VMP1: variants seen among roughly 807,000 people sequenced by gnomAD.
VMP1 encodes the protein vacuole membrane protein 1.
In VMP1, 11 loss-of-function variants were observed where a neutral mutation model predicts 56.0. That is an observed-to-expected ratio of 0.20 (90% CI 0.12 to 0.32). VMP1 has a LOEUF of 0.32. VMP1 is among the 10% of genes least tolerant of loss of function. The pLI is 1.00. For synonymous variants in VMP1, 149 were observed against 165.0 expected (o/e 0.90, Z 0.74); for missense variants, 296 against 490.3 (o/e 0.60, Z 3.74).
rs1356443615 is a variant in VMP1, at chr17:59,840,065, C to T, written c.*154C>T. ...CAGTTTAGTCCATACTTTGCACTGA[C>T]ATACTTTTTCCTTCTGTGCTAAGGT... On this transcript the variant is annotated 3_prime_UTR_variant, in exon 12 of 12. Transcript: ENST00000262291. The T allele has an allele frequency of 3.3e-6, 3 of 915,664 alleles. No homozygotes were observed. The highest frequency in any genetic ancestry group is 4.8e-6 in the Non-Finnish European group (3 of 623,000). The allele number at this position is 915,664 out of a possible 1,614,324, so 56.7% of individuals were successfully genotyped here. A position where few individuals can be genotyped will look rare whatever the true frequency, so the allele number is the denominator to read the frequency against.
At chr17:59,773,390 T>C (rs561546268) in intron 6 of VMP1, among the ~76,000 whole-genome samples, 4 of 148,184 alleles carry the variant, frequency 2.7e-5, no homozygotes, top group Admixed American at 2.7e-4. Flanking sequence ...ATGAGCCAGG[T>C]GTTGTCTCAA....
intron 5 of VMP1, among the ~76,000 whole-genome samples, chr17:59,745,416 T>C (rs2035388082): frequency 6.6e-6 from 1 of 152,190 alleles, no homozygotes; most frequent in South Asian, 2.1e-4. Context: ...CTTTGGCAAT[T>C]ATAGAAAAGA....
rs1428769608 is a variant in VMP1 at position 59,737,533 on chromosome 17, T to C, written c.293T>C (p.Val98Ala). ...VLIATYYVEG[V>A]HQQYVQRIEK... ...ATAGCTACGTATTATGTTGAAGGAGTGCATCAACAGGTGAGAGGTCGAGCA... is the reference window on the plus strand; with the variant it reads ...ATAGCTACGTATTATGTTGAAGGAGCGCATCAACAGGTGAGAGGTCGAGCA... The change falls in exon 4 of 12, where the codon GTG becomes GCG. Residue 98 changes from valine (V) to alanine (A), a missense_variant. Physicochemically the swap from Val to Ala is moderately conservative, Grantham distance 64. This residue lies in a region of VMP1 where 126 missense variants were observed against 231.6 expected (regional missense o/e 0.54). Coordinates refer to ENST00000262291, the MANE Select transcript of VMP1 (RefSeq NM_030938.5). 2 of 1,608,570 alleles carry C rather than the reference T, an allele frequency of 1.2e-6. No individual in the cohort carries two copies. Among genetic ancestry groups the C allele is most frequent in the Admixed American group, 1.7e-5 (1 of 59,264 alleles).
chr17:59,758,573 C>T (rs952048942), intron 5 of VMP1, among the ~76,000 whole-genome samples: 27 of 151,906 alleles, frequency 1.8e-4, no homozygotes, highest in Admixed American at 5.2e-4. Context: ...ACCAGTAATC[C>T]CAGCACTTTG....
chr17:59,716,703 A>G (rs971047696), intron 1 of VMP1, among the ~76,000 whole-genome samples: 3 of 152,190 alleles, frequency 2.0e-5, no homozygotes, highest in Admixed American at 6.5e-5. Context: ...ATGTTTGTTA[A>G]CCTATTTTTA....
intron 10 of VMP1, among the ~76,000 whole-genome samples, chr17:59,820,697 T>C (rs1243308468): frequency 1.3e-5 from 2 of 152,224 alleles, no homozygotes; most frequent in Non-Finnish European, 2.9e-5. Flanking sequence ...TGTAAGCTTC[T>C]CAAAGGCAAA....
intron 8 of VMP1, among the ~76,000 whole-genome samples, chr17:59,811,075 C>A (rs2038038234): frequency 6.6e-6 from 1 of 152,054 alleles, no homozygotes; most frequent in African/African-American, 2.4e-5. Context: ...GTCACATAGC[C>A]CTCAGACTTG....
At chr17:59,811,600 T>C (rs1374099390) in intron 8 of VMP1, 70 bp from the exon 9 acceptor site, 5 of 1,160,158 alleles carry the variant, frequency 4.3e-6, no homozygotes. Flanking sequence ...GAATACCACA[T>C]ATCAATGGGT....
At chr17:59,750,870 A>G (rs987648607) in intron 5 of VMP1, among the ~76,000 whole-genome samples, 2 of 146,968 alleles carry the variant, frequency 1.4e-5, no homozygotes, top group Non-Finnish European at 3.0e-5. Flanking sequence ...TTGAGTTTGT[A>G]TGTAGATTAG....
chr17:59,759,471 T>C (rs2035964081), intron 5 of VMP1, among the ~76,000 whole-genome samples: 1 of 152,250 alleles, frequency 6.6e-6, no homozygotes, highest in East Asian at 1.9e-4. Flanking sequence ...CACTCTGTTA[T>C]TGGTTGTATA....
At chr17:59,764,918 A>T in intron 5 of VMP1, 53 bp from the exon 6 acceptor site, 1 of 1,326,338 alleles carries the variant, frequency 7.5e-7, no homozygotes, top group Non-Finnish European at 1.0e-6. Flanking sequence ...AATAATGTGT[A>T]TTGATAATTT....
chr17:59,787,246 G>C (rs540317698), intron 7 of VMP1, among the ~76,000 whole-genome samples: 1 of 152,092 alleles, frequency 6.6e-6, no homozygotes, highest in Non-Finnish European at 1.5e-5. Flanking sequence ...GGAATTCTTC[G>C]TGCCCCCTTT....
At chr17:59,816,975 A>G (rs1331130704) in intron 9 of VMP1, among the ~76,000 whole-genome samples, 3 of 129,002 alleles carry the variant, frequency 2.3e-5, no homozygotes, top group East Asian at 2.1e-4. Flanking sequence ...AGAAAGAAAG[A>G]AAAAAAAAAA....
At position 59,788,055 on chromosome 17, in the gene VMP1, T is replaced by C. The variant is rs2037068678; in HGVS notation, c.714+14170T>C. On this transcript the variant is annotated intron_variant, in intron 7 of 11. Coordinates refer to ENST00000262291, the MANE Select transcript of VMP1 (RefSeq NM_030938.5). ...ACTAAATTTAAAAAAATTATTTGTT[T>C]TGATGACAAAGCAATTATCATTGAA... Among the ~76,000 whole-genome samples, 4 of 152,186 alleles carry C rather than the reference T, an allele frequency of 2.6e-5. No homozygotes were observed. The South Asian group carries it at 8.3e-4, about 32-fold the overall frequency.
At chr17:59,710,869 G>C (rs1030121733) in intron 1 of VMP1, among the ~76,000 whole-genome samples, 3 of 152,178 alleles carry the variant, frequency 2.0e-5, no homozygotes, top group African/African-American at 7.2e-5. Context: ...TCAGGAGTTT[G>C]AGACTAGCCT....
chr17:59,741,361 GTGA>G (rs2035219039), intron 5 of VMP1, among the ~76,000 whole-genome samples: 1 of 152,126 alleles, frequency 6.6e-6, no homozygotes, highest in South Asian at 2.1e-4. Context: ...TTCCCAGGAG[GTGA>G]TAGGAAGAAT....
chr17:59,820,977 T>G (rs1444512855), intron 10 of VMP1, among the ~76,000 whole-genome samples: 1 of 150,802 alleles, frequency 6.6e-6, no homozygotes, highest in Non-Finnish European at 1.5e-5. Flanking sequence ...TTTTTTTGTT[T>G]TTTTTTTTTT....
intron 2 of VMP1, 63 bp from the exon 3 acceptor site, chr17:59,735,275 A>T: frequency 3.2e-6 from 5 of 1,574,234 alleles, no homozygotes; most frequent in Non-Finnish European, 4.3e-6. Context: ...ATCTAAAGTG[A>T]TTGAAGAGAA....
intron 5 of VMP1, among the ~76,000 whole-genome samples, chr17:59,759,889 T>C (rs527913879): frequency 7.4e-6 from 1 of 135,870 alleles, no homozygotes; most frequent in African/African-American, 2.8e-5. Context: ...TTTTGTTTTG[T>C]TTTGTTTTTT....
Sources: allele counts gnomAD v4.1 joint callset (sites outside exome capture counted in the v4.1 genomes callset), GRCh38; gene constraint gnomAD v4.1.1; regional missense constraint gnomAD v4.1.1; transcripts MANE v1.5; gene names NCBI Gene and HGNC (gene_info 2026-07-23, HGNC 2026-07-21).